The following PCDHGA2 variants were observed in gnomAD, a reference collection of about 807,000 sequenced individuals.
PCDHGA2 encodes the protein protocadherin gamma subfamily A, 2, also known as protocadherin gamma-A2.
PCDHGA2 carries 40 observed loss-of-function variants against 59.2 expected under a neutral mutation model. The observed-to-expected ratio is 0.68, with a 90% CI of 0.52 to 0.88. The LOEUF (loss-of-function observed/expected upper bound fraction) is 0.88. Ranked by LOEUF, PCDHGA2 falls within the 40% of genes least tolerant of loss-of-function variation. PCDHGA2 has a pLI of 0.00. For missense variants in PCDHGA2, 1,226 were observed against 1,204.0 expected, an observed-to-expected ratio of 1.02 and a Z score of -0.27; for synonymous variants, 560 against 526.0, an observed-to-expected ratio of 1.06 and a Z score of -0.89.
At position 141,491,960 on chromosome 5, in the gene PCDHGA2, A is replaced by T. The variant is rs1380758016; in HGVS notation, c.2425-2847A>T. The T allele has an allele frequency of 1.0e-6, 1 of 984,842 alleles. No individual in the cohort carries two copies. The highest frequency in any genetic ancestry group is 3.0e-5 in the East Asian group (1 of 33,312). 61.0% of individuals were successfully genotyped at this position (984,842 alleles called of 1,614,324 possible). A position where few individuals can be genotyped will look rare whatever the true frequency, so the allele number is the denominator to read the frequency against. On this transcript the variant is annotated intron_variant, in intron 1 of 3. Coordinates refer to ENST00000394576, the MANE Select transcript of PCDHGA2 (RefSeq NM_018915.4). The surrounding 1 kb of genome is among the most constrained non-coding windows in gnomAD (Gnocchi z 6.9). ...CGACCCCCACCCCTACACTCAAAAA[A>T]GGCCGGGGCCTCCTTCGAGCTTCCG...
intron 1 of PCDHGA2, chr5:141,360,485 T>C (rs751812912): frequency 1.2e-6 from 2 of 1,613,990 alleles, no homozygotes; most frequent in East Asian, 4.5e-5. Flanking sequence ...CTAAATATTT[T>C]CTACATAGCA....
intron 1 of PCDHGA2, chr5:141,410,815 T>C: frequency 1.8e-6 from 1 of 553,722 alleles, no homozygotes; most frequent in Non-Finnish European, 2.9e-6. Context: ...TTTTGTAAAA[T>C]AATGTCACCA....
intron 1 of PCDHGA2, among the ~76,000 whole-genome samples, chr5:141,446,746 C>T (rs1413869259): frequency 6.6e-6 from 1 of 152,170 alleles, no homozygotes; most frequent in Non-Finnish European, 1.5e-5. Context: ...GGATTACAGG[C>T]GTGAGCCACC....
Position 141,486,427 on chromosome 5 carries a change from A to G in PCDHGA2, c.2425-8380A>G. On this transcript the variant is annotated intron_variant, in intron 1 of 3. Transcript: ENST00000394576. This position sits in a 1 kb window ranked among gnomAD's most constrained non-coding sequence, Gnocchi z 5.0. ...CTGGACCCTTGGATCGAGAGGCCAA[A>G]TCTAGCTATGACATCATGGTCACTG... The G allele has an allele frequency of 6.2e-7, 1 of 1,614,160 alleles. No homozygotes were observed. Among genetic ancestry groups the G allele is most frequent in the Non-Finnish European group, 8.5e-7 (1 of 1,180,016 alleles).
At chr5:141,371,718 A>C in intron 1 of PCDHGA2, 1 of 1,614,064 alleles carries the variant, frequency 6.2e-7, no homozygotes, top group Non-Finnish European at 8.5e-7. Flanking sequence ...CACTCTGCAC[A>C]TCCTTGATGT....
At position 141,415,070 on chromosome 5, in the gene PCDHGA2, C is replaced by G. The variant is rs538474552; in HGVS notation, c.2424+73675C>G. ...GGGGAGCACACGGGCGAGGTGCGCACGGCGCGAGCCCTGCTGGACAGAGAC... is the reference window on the plus strand; with the variant it reads ...GGGGAGCACACGGGCGAGGTGCGCAGGGCGCGAGCCCTGCTGGACAGAGAC... On this transcript the variant is annotated intron_variant, in intron 1 of 3. Coordinates refer to ENST00000394576, the MANE Select transcript of PCDHGA2 (RefSeq NM_018915.4). 26 of 1,613,284 alleles carry G rather than the reference C, an allele frequency of 1.6e-5. No homozygotes were observed. The Middle Eastern group carries it at 1.5e-3, about 92-fold the overall frequency.
At chr5:141,405,326 T>TGC in intron 1 of PCDHGA2, 1 of 1,614,220 alleles carries the variant, frequency 6.2e-7, no homozygotes, top group Non-Finnish European at 8.5e-7. Flanking sequence ...TGAGCCTTTG[T>TGC]GCGTCTCTGT....
chr5:141,366,571 G>A (rs1764656817), intron 1 of PCDHGA2: 4 of 1,614,112 alleles, frequency 2.5e-6, no homozygotes, highest in South Asian at 2.2e-5. Flanking sequence ...ATGGGGTTCG[G>A]GCTTTCCTGC....
intron 1 of PCDHGA2, chr5:141,370,727 A>G: frequency 6.2e-7 from 1 of 1,613,856 alleles, no homozygotes; most frequent in Non-Finnish European, 8.5e-7. Context: ...TGGTTGCTGA[A>G]AAGCCTTTAA....
chr5:141,381,355 C>T (rs1431564536), intron 1 of PCDHGA2, among the ~76,000 whole-genome samples: 1 of 152,222 alleles, frequency 6.6e-6, no homozygotes, highest in Admixed American at 6.5e-5. Context: ...TTTCTGCTAG[C>T]AGAGGGTAGC....
At position 141,339,310 on chromosome 5, in the gene PCDHGA2, A is replaced by G; in HGVS notation, c.339A>G (p.Lys113=). ...LLNFNILLED[K]LTIYSVEVEI... is the part of the protein sequence containing the mutation. ...ATTTTAACATTCTGCTGGAGGATAA[A>G]TTGACTATTTATTCAGTAGAGGTGG... The change falls in exon 1 of 4, where the codon AAA becomes AAG. Residue 113 remains lysine (K), a synonymous_variant. Coordinates refer to ENST00000394576, the MANE Select transcript of PCDHGA2 (RefSeq NM_018915.4). The G allele has an allele frequency of 6.2e-7, 1 of 1,614,254 alleles. No homozygotes were observed. The highest frequency in any genetic ancestry group is 1.1e-5 in the South Asian group (1 of 91,088).
intron 1 of PCDHGA2, among the ~76,000 whole-genome samples, chr5:141,466,916 GT>G (rs1204028461): frequency 6.6e-6 from 1 of 152,010 alleles, no homozygotes; most frequent in Non-Finnish European, 1.5e-5. Context: ...AAAACTCCTT[GT>G]ATTAGGAATA....
intron 1 of PCDHGA2, chr5:141,415,740 GTTTTTTTTTTTTTTTTTTTTT>G: frequency 1.6e-6 from 1 of 617,990 alleles, no homozygotes; most frequent in Non-Finnish European, 2.1e-6. Context: ...GTTTATTAAG[GTTTTTTTTTTTTTTTTTTTTT>G]TTTTTTTTTT....
chr5:141,436,095 GA>G (rs2097795730), intron 1 of PCDHGA2, among the ~76,000 whole-genome samples: 2 of 152,112 alleles, frequency 1.3e-5, no homozygotes, highest in Non-Finnish European at 2.9e-5. Context: ...AATATTGAGA[GA>G]AATAGAGGAC....
In PCDHGA2 at chr5:141,476,883, A is replaced by G. The variant is rs1266909654; in HGVS notation, c.2425-17924A>G. ...TTGTACCGGGCGCGCGTCCTGGAGG[A>G]TGCACCCTCCGGCACGCGCGTGGTA... On this transcript the variant is annotated intron_variant, in intron 1 of 3. Coordinates refer to ENST00000394576, the MANE Select transcript of PCDHGA2 (RefSeq NM_018915.4). This position sits in a 1 kb window ranked among gnomAD's most constrained non-coding sequence, Gnocchi z 7.6. 1 of 1,613,916 alleles carries G rather than the reference A, an allele frequency of 6.2e-7. No individual in the cohort carries two copies. The highest frequency in any genetic ancestry group is 8.5e-7 in the Non-Finnish European group (1 of 1,180,026).
rs995102227 is a variant in PCDHGA2 at position 141,344,445 on chromosome 5, T to C, written c.2424+3050T>C. On this transcript the variant is annotated intron_variant, in intron 1 of 3. Coordinates refer to ENST00000394576, the MANE Select transcript of PCDHGA2 (RefSeq NM_018915.4). ...TGCTCCTAATTTCCCAACAGAGGAA[T>C]TGGAAATAAAAATTGGTGAACTAAC... The C allele has an allele frequency of 3.7e-6, 6 of 1,613,574 alleles. No homozygotes were observed. The African/African-American group carries it at 4.0e-5, about 11-fold the overall frequency.
chr5:141,383,388 C>A (rs764387936), intron 1 of PCDHGA2: 106 of 1,613,860 alleles, frequency 6.6e-5, no homozygotes, highest in Non-Finnish European at 8.6e-5. Flanking sequence ...CAGATGTGGG[C>A]ACGAACTCCC....
intron 1 of PCDHGA2, chr5:141,374,957 TTC>T (rs1770979960): frequency 6.2e-7 from 1 of 1,613,926 alleles, no homozygotes; most frequent in Non-Finnish European, 8.5e-7. Context: ...CTCACAAATT[TTC>T]TGTTTGAATG....
chr5:141,409,060 G>C (rs1464240645), intron 1 of PCDHGA2: 1 of 1,614,000 alleles, frequency 6.2e-7, no homozygotes, highest in Non-Finnish European at 8.5e-7. Flanking sequence ...GCACTGCCCA[G>C]AGCACAAAAC....
Sources: allele counts gnomAD v4.1 joint callset (sites outside exome capture counted in the v4.1 genomes callset), GRCh38; gene constraint gnomAD v4.1.1; non-coding constraint Gnocchi (gnomAD v3.1); transcripts MANE v1.5; gene names NCBI Gene and HGNC (gene_info 2026-07-23, HGNC 2026-07-21).